Variants in EEF2K observed in about 807,000 individuals in gnomAD.
The protein encoded by EEF2K is eukaryotic elongation factor 2 kinase.
A neutral mutation model predicts 93.8 loss-of-function variants in EEF2K; 70 were observed. The observed-to-expected ratio is 0.75, with a 90% CI of 0.62 to 0.91. The LOEUF (loss-of-function observed/expected upper bound fraction) is 0.91, where lower values mean the gene tolerates loss of function less well. Ranked by LOEUF, EEF2K falls within the 40% of genes least tolerant of loss-of-function variation. The pLI is 0.00. For missense variants in EEF2K, 935 were observed against 972.9 expected (o/e 0.96, Z 0.52); for synonymous variants, 376 against 380.8 (o/e 0.99, Z 0.15).
rs180673564 is a variant in EEF2K, at chr16:22,268,674, C to T, written c.1764+1798C>T. Among the ~76,000 whole-genome samples, 80 of 149,748 alleles carry T rather than the reference C, an allele frequency of 5.3e-4. No homozygotes were observed. The East Asian group carries it at 0.014, about 26-fold the overall frequency. On this transcript the variant is annotated intron_variant, in intron 15 of 17. Coordinates refer to ENST00000263026, the MANE Select transcript of EEF2K (RefSeq NM_013302.5). ...TAATTTTTAAATATAAAAAGCTTAA[C>T]GATGGGTGCAGTGGCTCACACCTGT... is the stretch of plus-strand genomic sequence containing the variant.
rs2047267022 is a variant in EEF2K, at chr16:22,244,667, T to C, written c.284T>C (p.Met95Thr). 2 of 1,613,908 alleles carry C rather than the reference T, an allele frequency of 1.2e-6. No individual in the cohort carries two copies. Among genetic ancestry groups the C allele is most frequent in the Admixed American group, 3.3e-5 (2 of 59,976 alleles). The change falls in exon 3 of 18, where the codon ATG becomes ACG. Residue 95 changes from methionine to threonine, a missense_variant. Coordinates refer to ENST00000263026, the MANE Select transcript of EEF2K (RefSeq NM_013302.5). ...WKHAIQKAKHMPDPWAEFHLE... is the reference protein window; with the variant it reads ...WKHAIQKAKHTPDPWAEFHLE... ...CACGCAATCCAGAAGGCCAAGCACA[T>C]GCCCGACCCCTGGGCTGAGTTCCAC...
At chr16:22,219,011 T>C (rs917207890) in intron 1 of EEF2K, among the ~76,000 whole-genome samples, 1 of 123,230 alleles carries the variant, frequency 8.1e-6, no homozygotes, top group African/African-American at 3.7e-5. Context: ...CTGAGTGAGG[T>C]AGAGAAAGCT....
At chr16:22,279,854 G>T (rs761054546) in intron 16 of EEF2K, among the ~76,000 whole-genome samples, 1 of 152,066 alleles carries the variant, frequency 6.6e-6, no homozygotes, top group Non-Finnish European at 1.5e-5. Context: ...AAATTAGCTG[G>T]GTGTGGTGGC....
chr16:22,282,071 G>A (rs1323650776), intron 17 of EEF2K, among the ~76,000 whole-genome samples: 1 of 151,974 alleles, frequency 6.6e-6, no homozygotes, highest in East Asian at 1.9e-4. Context: ...GACCAGCCTG[G>A]GCAACATAGG....
In EEF2K at chr16:22,286,688, G is replaced by A. The variant is rs184772226; in HGVS notation, c.*2692G>A. ...AACCCTTGCTCTAACCCTTGACTGA[G>A]AGCTACTTTATTAAGCCCTGAGGGC... is the stretch of plus-strand genomic sequence containing the variant. On this transcript the variant is annotated 3_prime_UTR_variant, in exon 18 of 18. Transcript: ENST00000263026. 1.5e-4 allele frequency: 23 copies of A among 152,330 alleles called. No individual in the cohort carries two copies. The highest frequency in any genetic ancestry group is 1.3e-3 in the Admixed American group (20 of 15,290). The allele number at this position is 152,330 out of a possible 1,614,324, so 9.4% of individuals were successfully genotyped here. A position where few individuals can be genotyped will look rare whatever the true frequency, so the allele number is the denominator to read the frequency against.
chr16:22,260,012 C>G (rs750931149), intron 10 of EEF2K, among the ~76,000 whole-genome samples: 4 of 152,114 alleles, frequency 2.6e-5, no homozygotes, highest in Non-Finnish European at 5.9e-5. Context: ...CTCGGCCTCC[C>G]ATAGTTCTGG....
rs528623954 is a variant in EEF2K at position 22,218,441 on chromosome 16, C to T, written c.-76-7213C>T. Among the ~76,000 whole-genome samples, 261 of 152,304 alleles carry T rather than the reference C, an allele frequency of 1.7e-3. 1 individual carries two copies. The highest frequency in any genetic ancestry group is 3.5e-3 in the Admixed American group (53 of 15,306). On this transcript the variant is annotated intron_variant, in intron 1 of 17. Transcript: ENST00000263026. Reference sequence around the variant, plus strand: ...GCTTTCTATGGTAGGAAGGCAGGTCCTGGGGTGAGGGTGAGCCCCGAGGGG... The same window carrying T: ...GCTTTCTATGGTAGGAAGGCAGGTCTTGGGGTGAGGGTGAGCCCCGAGGGG...
chr16:22,244,146 T>C (rs1224367183), intron 2 of EEF2K, among the ~76,000 whole-genome samples: 1 of 151,738 alleles, frequency 6.6e-6, no homozygotes, highest in African/African-American at 2.4e-5. Context: ...TGAGAATTGC[T>C]TGAACCCGGG....
chr16:22,258,558 T>C lies in EEF2K; in HGVS notation c.1094T>C (p.Leu365Pro), dbSNP rs779463321. ...EKCGSPQVRTLSGSRPPLLRP... is the reference protein window; with the variant it reads ...EKCGSPQVRTPSGSRPPLLRP... The stretch of plus-strand genomic sequence containing the variant: ...TGTGGGAGCCCCCAAGTAAGGACCC[T>C]CTCTGGGAGCCGGCCACCCCTGCTC... Residue 365 changes from leucine to proline, a missense_variant, in exon 10 of 18, where the codon CTC becomes CCC. Transcript: ENST00000263026. 6.2e-7 allele frequency: 1 copy of C among 1,614,018 alleles called. No individual in the cohort carries two copies. Among genetic ancestry groups the C allele is most frequent in the Non-Finnish European group, 8.5e-7 (1 of 1,179,986 alleles).
At chr16:22,249,363 G>A (rs1222481140) in intron 4 of EEF2K, among the ~76,000 whole-genome samples, 1 of 151,600 alleles carries the variant, frequency 6.6e-6, no homozygotes, top group East Asian at 1.9e-4. Context: ...AGTTAGGATT[G>A]CTTTATGAAA....
intron 2 of EEF2K, among the ~76,000 whole-genome samples, chr16:22,228,831 T>G (rs920495345): frequency 2.0e-5 from 3 of 152,196 alleles, no homozygotes; most frequent in African/African-American, 7.2e-5. Flanking sequence ...GGCAATAAGC[T>G]TGGAAGATTG....
In EEF2K at chr16:22,273,607, C is replaced by CT; in HGVS notation, c.1765-16dup. 1 of 1,613,378 alleles carries CT rather than the reference C, an allele frequency of 6.2e-7. No homozygotes were observed. Among genetic ancestry groups the CT allele is most frequent in the South Asian group, 1.1e-5 (1 of 90,992 alleles). On this transcript the variant is annotated intron_variant, in intron 15 of 17. Coordinates refer to ENST00000263026, the MANE Select transcript of EEF2K (RefSeq NM_013302.5). ...GCCTCATTCACTCTTCTTTCTCCCT[C>CT]TTTGGTTTGTATCAACAGGAGACAG...
intron 15 of EEF2K, among the ~76,000 whole-genome samples, chr16:22,268,381 G>A (rs1179986031): frequency 6.6e-6 from 1 of 151,904 alleles, no homozygotes; most frequent in Admixed American, 6.6e-5. Context: ...ATGTTGGCCA[G>A]ACTGGTCTGG....
chr16:22,250,834 T>C lies in EEF2K; in HGVS notation c.446+143T>C, dbSNP rs2047342595. 6 of 1,099,708 alleles carry C rather than the reference T, an allele frequency of 5.5e-6. No homozygotes were observed. In the East Asian group the frequency reaches 1.5e-4, roughly 28 times the overall value. 68.1% of individuals were successfully genotyped at this position (1,099,708 alleles called of 1,614,324 possible). ...AGCCCAGGTTCCTGTCCATCTAGTCTCCCTCGGGCCACACATTGGGCCTGG... is the reference window on the plus strand; with the variant it reads ...AGCCCAGGTTCCTGTCCATCTAGTCCCCCTCGGGCCACACATTGGGCCTGG... On this transcript the variant is annotated intron_variant, in intron 5 of 17. Coordinates refer to ENST00000263026, the MANE Select transcript of EEF2K (RefSeq NM_013302.5).
Position 22,280,334 on chromosome 16 carries a change from T to C in EEF2K, c.2026T>C (p.Phe676Leu). The C allele has an allele frequency of 6.2e-7, 1 of 1,602,400 alleles. No individual in the cohort carries two copies. The highest frequency in any genetic ancestry group is 8.5e-7 in the Non-Finnish European group (1 of 1,174,246). Residue 676 changes from phenylalanine to leucine, a missense_variant, in exon 17 of 18, where the codon TTC becomes CTC. Physicochemically the swap from Phe to Leu is conservative, Grantham distance 22. Transcript: ENST00000263026. ...GCTGGCCAGGGAGGCCGAGATGCTGTTCACAGGAGGCTACGGGCTGGAGAA... is the reference window on the plus strand; with the variant it reads ...GCTGGCCAGGGAGGCCGAGATGCTGCTCACAGGAGGCTACGGGCTGGAGAA... ...MMLAREAEML[F>L]TGGYGLEKDP...
intron 1 of EEF2K, among the ~76,000 whole-genome samples, chr16:22,216,803 AG>A (rs1328772058): frequency 6.6e-6 from 1 of 152,112 alleles, no homozygotes; most frequent in Non-Finnish European, 1.5e-5. Context: ...AGTAAGGGGA[AG>A]TAGAGCTAAA....
chr16:22,273,067 A>G lies in EEF2K; in HGVS notation c.1765-559A>G, dbSNP rs150685606. On this transcript the variant is annotated intron_variant, in intron 15 of 17. Coordinates refer to ENST00000263026, the MANE Select transcript of EEF2K (RefSeq NM_013302.5). ...AGGAGGGTTTTTTGCTTCACCCAGA[A>G]AAGAATTCAAGGGTGAGCCAAATGT... Among the ~76,000 whole-genome samples the G allele has an allele frequency of 5.5e-3, 835 of 152,294 alleles. 8 individuals are homozygous for G. The highest frequency in any genetic ancestry group is 8.7e-3 in the Non-Finnish European group (592 of 68,028).
rs2047738355 is a variant in EEF2K, at chr16:22,284,776, C to G, written c.*780C>G. Reference sequence around the variant, plus strand: ...AATGAAGCACTTCACGCTGGCTTTCCTAAGTCACGGGGCGTGTATTGCCGT... The same window carrying G: ...AATGAAGCACTTCACGCTGGCTTTCGTAAGTCACGGGGCGTGTATTGCCGT... On this transcript the variant is annotated 3_prime_UTR_variant, in exon 18 of 18. Transcript: ENST00000263026. 1 of 152,086 alleles carries G rather than the reference C, an allele frequency of 6.6e-6. No individual in the cohort carries two copies. The highest frequency in any genetic ancestry group is 2.4e-5 in the African/African-American group (1 of 41,416). 9.4% of individuals were successfully genotyped at this position (152,086 alleles called of 1,614,324 possible). A position where few individuals can be genotyped will look rare whatever the true frequency, so the allele number is the denominator to read the frequency against.
intron 2 of EEF2K, among the ~76,000 whole-genome samples, chr16:22,231,283 T>C (rs1444084351): frequency 6.6e-6 from 1 of 151,856 alleles, no homozygotes; most frequent in African/African-American, 2.4e-5. Flanking sequence ...TATTTATTTA[T>C]TTTTTGTATA....
Sources: gnomAD v4.1 joint callset for allele counts (sites outside exome capture counted in the v4.1 genomes callset) on GRCh38, gnomAD v4.1.1 for gene constraint, MANE v1.5 for transcripts, NCBI Gene and HGNC (gene_info 2026-07-23, HGNC 2026-07-21) for gene names.